ECT2L: variants seen among roughly 807,000 people sequenced by gnomAD.
The protein encoded by ECT2L is epithelial cell transforming 2 like.
In ECT2L, 126 loss-of-function variants were observed where a neutral mutation model predicts 122.8. The ratio of observed to expected loss-of-function variants is 1.03; its 90% CI spans 0.89 to 1.19. The LOEUF is 1.19. ECT2L is among the 50% of genes most tolerant of loss of function. The pLI is 0.00. For synonymous variants in ECT2L, 385 were observed against 381.8 expected (o/e 1.01, Z -0.10); for missense variants, 1,012 against 1,064.1 (o/e 0.95, Z 0.68).
chr6:138,838,928 CGT>C (rs1776941969), intron 5 of ECT2L, among the ~76,000 whole-genome samples: 2 of 152,044 alleles, frequency 1.3e-5, no homozygotes, highest in South Asian at 2.1e-4. Context: ...ATTACAGGCG[CGT>C]GCCACCACGC....
chr6:138,822,935 G>A (rs1026069801), intron 4 of ECT2L: 1 of 1,613,420 alleles, frequency 6.2e-7, no homozygotes, highest in African/African-American at 1.3e-5. Flanking sequence ...CCATGGTAGT[G>A]GCAATTTATG....
In ECT2L at chr6:138,881,033, A is replaced by G; in HGVS notation, c.1742A>G (p.Tyr581Cys). 1 of 1,614,184 alleles carries G rather than the reference A, an allele frequency of 6.2e-7. No individual in the cohort carries two copies. Among genetic ancestry groups the G allele is most frequent in the African/African-American group, 1.3e-5 (1 of 75,048 alleles). ...VRELLQSERKYVQILEIVRDV... is the reference protein window; with the variant it reads ...VRELLQSERKCVQILEIVRDV... ...GAACTCTTACAGAGTGAGAGAAAAT[A>G]CGTGCAGATACTGGAAATTGTGAGA... Residue 581 changes from tyrosine (Y) to cysteine (C), a missense_variant, in exon 15 of 22, where the codon TAC (tyrosine) becomes TGC (cysteine). Coordinates refer to ENST00000541398, the MANE Select transcript of ECT2L (RefSeq NM_001077706.3).
chr6:138,846,678 G>GTAGA lies in ECT2L; in HGVS notation c.903+2_903+5dup. On this transcript the variant is annotated splice_donor_variant, in intron 8 of 21. Transcript: ENST00000541398. LOFTEE classifies it high-confidence loss of function. ...ATCATCCCGGATTCCTGCGTATGAGGTAGAGTATGTTATGAGGCCAGTCCT... is the reference window on the plus strand; with the variant it reads ...ATCATCCCGGATTCCTGCGTATGAGGTAGATAGAGTATGTTATGAGGCCAGTCCT... 1 of 1,590,040 alleles carries GTAGA rather than the reference G, an allele frequency of 6.3e-7. No individual in the cohort carries two copies. The highest frequency in any genetic ancestry group is 1.2e-5 in the South Asian group (1 of 86,164).
intron 12 of ECT2L, 104 bp from the exon 13 acceptor site, chr6:138,867,999 C>CAAAAAAAAAAAAAAAAAAAA: frequency 3.0e-6 from 1 of 332,918 alleles, no homozygotes; most frequent in Non-Finnish European, 4.6e-6. Context: ...GATTCTGTCT[C>CAAAAAAAAAAAAAAAAAAAA]AAAAAAAAAA....
At chr6:138,867,478 C>T (rs761829651) in intron 12 of ECT2L, among the ~76,000 whole-genome samples, 6 of 151,792 alleles carry the variant, frequency 4.0e-5, no homozygotes, top group Non-Finnish European at 8.8e-5. Flanking sequence ...AGTTTGAGAC[C>T]AGCCTGGGAA....
intron 5 of ECT2L, among the ~76,000 whole-genome samples, chr6:138,840,165 A>C (rs1776987383): frequency 6.6e-6 from 1 of 152,146 alleles, no homozygotes; most frequent in Non-Finnish European, 1.5e-5. Context: ...CATTGTAAAG[A>C]TCTTCACCCT....
At chr6:138,796,911 A>C (rs998069265) in intron 1 of ECT2L, among the ~76,000 whole-genome samples, 1 of 152,208 alleles carries the variant, frequency 6.6e-6, no homozygotes, top group African/African-American at 2.4e-5. Flanking sequence ...AACCTCAAAA[A>C]TCATGCTCTA....
rs150807642 is a variant in ECT2L at position 138,883,054 on chromosome 6, C to A, written c.2028+183C>A. ...TTAGGGGCTAGCACAATATTTGACACCCAGCATTGCCAGGAACTGGTTCTT... is the reference window on the plus strand; with the variant it reads ...TTAGGGGCTAGCACAATATTTGACAACCAGCATTGCCAGGAACTGGTTCTT... On this transcript the variant is annotated intron_variant, in intron 16 of 21. Coordinates refer to ENST00000541398, the MANE Select transcript of ECT2L (RefSeq NM_001077706.3). 2.6e-5 allele frequency among the ~76,000 whole-genome samples: 4 copies of A among 152,286 alleles called. No individual in the cohort carries two copies. In the East Asian group the frequency reaches 5.8e-4, roughly 22 times the overall value.
intron 1 of ECT2L, among the ~76,000 whole-genome samples, chr6:138,801,277 C>G (rs1335954465): frequency 6.6e-6 from 1 of 152,190 alleles, no homozygotes. Context: ...AAATGGCTCC[C>G]AATGACCTCA....
intron 4 of ECT2L, chr6:138,822,828 G>A (rs913698762): frequency 6.2e-7 from 1 of 1,613,600 alleles, no homozygotes; most frequent in African/African-American, 1.3e-5. Context: ...CAGTCAATAT[G>A]AATTGATCTG....
At chr6:138,864,183 G>A (rs780116385) in intron 11 of ECT2L, among the ~76,000 whole-genome samples, 2 of 151,638 alleles carry the variant, frequency 1.3e-5, no homozygotes, top group Non-Finnish European at 2.9e-5. Flanking sequence ...AAGCTGGGCA[G>A]TAGTGGCACA....
At chr6:138,804,582 AACAC>A (rs367560936) in intron 1 of ECT2L, among the ~76,000 whole-genome samples, 29 of 146,466 alleles carry the variant, frequency 2.0e-4, no homozygotes, top group East Asian at 1.4e-3. Context: ...TGAAGTTTTA[AACAC>A]ACACACACAC....
At chr6:138,799,717 AC>A (rs1775475683) in intron 1 of ECT2L, among the ~76,000 whole-genome samples, 3 of 152,026 alleles carry the variant, frequency 2.0e-5, no homozygotes, top group Non-Finnish European at 4.4e-5. Flanking sequence ...ATGCCGCCAC[AC>A]CTGGCTAATT....
intron 12 of ECT2L, among the ~76,000 whole-genome samples, chr6:138,867,342 G>T (rs939507242): frequency 2.0e-5 from 3 of 152,106 alleles, no homozygotes; most frequent in African/African-American, 7.2e-5. Context: ...TTGCATAATA[G>T]AATTTTTACT....
intron 12 of ECT2L, among the ~76,000 whole-genome samples, 161 bp from the exon 13 acceptor site, chr6:138,867,937 CTGCAG>C (rs959747245): frequency 1.4e-5 from 2 of 142,244 alleles, no homozygotes; most frequent in Non-Finnish European, 3.0e-5. Flanking sequence ...TGGATCAAGG[CTGCAG>C]TGAGCTATGA....
intron 14 of ECT2L, among the ~76,000 whole-genome samples, chr6:138,879,728 G>T (rs1470940675): frequency 6.6e-6 from 1 of 152,162 alleles, no homozygotes; most frequent in Admixed American, 6.5e-5. Flanking sequence ...GCTGAGGTGG[G>T]TGGATCACAA....
Position 138,862,686 on chromosome 6 carries a change from C to A in ECT2L, c.1258C>A (p.Pro420Thr), listed in dbSNP as rs759490329. The part of the protein sequence containing the change: ...SQLTGTFFTA[P>T]TGIATGSYQH... ...ACTAACTGGCACGTTCTTTACGGCC[C>A]CCACTGGGATTGCAACTGGCTCTTA... is the stretch of plus-strand genomic sequence containing the variant. Residue 420 changes from proline (P) to threonine (T), a missense_variant, in exon 11 of 22, where the codon CCC (proline) becomes ACC (threonine). By Grantham distance (38) the Pro-to-Thr change is conservative (BLOSUM62 -1). Transcript: ENST00000541398. 6.2e-6 allele frequency: 10 copies of A among 1,614,134 alleles called. No individual in the cohort carries two copies. Among genetic ancestry groups the A allele is most frequent in the Middle Eastern group, 1.6e-4 (1 of 6,062 alleles).
At chr6:138,878,348 T>C (rs1378344436) in intron 14 of ECT2L, among the ~76,000 whole-genome samples, 3 of 152,138 alleles carry the variant, frequency 2.0e-5, no homozygotes, top group Non-Finnish European at 4.4e-5. Context: ...TATATACATA[T>C]ATTGCTGTTG....
Position 138,898,060 on chromosome 6 carries a change from T to TAA in ECT2L, c.2415-2877_2415-2876dup, listed in dbSNP as rs5880406. Among the ~76,000 whole-genome samples the TAA allele has an allele frequency of 3.8e-3, 570 of 149,630 alleles. 7 individuals carry two copies. The highest frequency in any genetic ancestry group is 0.03 in the Admixed American group (447 of 15,028). The stretch of plus-strand genomic sequence containing the variant: ...ATAATTGTTCTTATCATGGATATGG[T>TAA]AAAAAAAAAAAATTGCTCCCCTTCT... On this transcript the variant is annotated intron_variant, in intron 20 of 21. Transcript: ENST00000541398.
Sources: gnomAD v4.1 joint callset for allele counts (sites outside exome capture counted in the v4.1 genomes callset) on GRCh38, gnomAD v4.1.1 for gene constraint, MANE v1.5 for transcripts, NCBI Gene and HGNC (gene_info 2026-07-23, HGNC 2026-07-21) for gene names.